PKHD1: variants seen among roughly 807,000 people sequenced by gnomAD.
The protein encoded by PKHD1 is PKHD1 ciliary IPT domain containing fibrocystin/polyductin, also known as fibrocystin.
Under a neutral mutation model 412.0 loss-of-function variants are expected in PKHD1, and 291 were observed. That is an observed-to-expected ratio of 0.71 (90% CI 0.64 to 0.78). The LOEUF is 0.78. Among genes scored for constraint, PKHD1 ranks in the 30% least tolerant of loss-of-function variants. The pLI is 0.00. For missense variants in PKHD1, 4,825 were observed against 4,950.7 expected, an observed-to-expected ratio of 0.97 and a Z score of 0.76; for synonymous variants, 1,777 against 1,821.5, an observed-to-expected ratio of 0.98 and a Z score of 0.62.
chr6:51,643,656 C>T (rs758331491), intron 63 of PKHD1, among the ~76,000 whole-genome samples: 7 of 152,032 alleles, frequency 4.6e-5, no homozygotes, highest in African/African-American at 2.4e-5. Context: ...TTTAGAGTCT[C>T]GTTTTGTTTT....
intron 60 of PKHD1, among the ~76,000 whole-genome samples, chr6:51,699,957 A>G (rs200557363): frequency 8.9e-5 from 1 of 11,270 alleles, no homozygotes. Context: ...GTGTGTGTGT[A>G]AAAACAGTAA....
At chr6:51,962,607 G>C (rs528850276) in intron 35 of PKHD1, among the ~76,000 whole-genome samples, 74 of 152,162 alleles carry the variant, frequency 4.9e-4, no homozygotes, top group Non-Finnish European at 8.2e-4. Context: ...AAGGCTCAAA[G>C]TGTTTAAATG....
intron 29 of PKHD1, among the ~76,000 whole-genome samples, chr6:52,031,129 C>T (rs2128159475): frequency 6.6e-6 from 1 of 152,292 alleles, no homozygotes; most frequent in Non-Finnish European, 1.5e-5. Context: ...CTTTCATCTG[C>T]TTTATTTCCT....
chr6:51,925,931 A>G (rs1159283505), intron 37 of PKHD1, among the ~76,000 whole-genome samples: 6 of 151,908 alleles, frequency 3.9e-5, no homozygotes, highest in Non-Finnish European at 8.8e-5. Context: ...ATATTTTTTA[A>G]AGCATATTAT....
At chr6:51,653,780 G>C (rs139797167) in intron 61 of PKHD1, among the ~76,000 whole-genome samples, 2 of 152,042 alleles carry the variant, frequency 1.3e-5, no homozygotes, top group African/African-American at 2.4e-5. Flanking sequence ...AGGGCACAAG[G>C]ACAATGAAAG....
chr6:51,800,774 A>G (rs1445892083), intron 52 of PKHD1, among the ~76,000 whole-genome samples: 1 of 152,200 alleles, frequency 6.6e-6, no homozygotes, highest in Non-Finnish European at 1.5e-5. Flanking sequence ...CAGGCCCCAT[A>G]ACTTAGGTGG....
At chr6:51,665,602 C>G (rs1773618863) in intron 60 of PKHD1, among the ~76,000 whole-genome samples, 1 of 152,052 alleles carries the variant, frequency 6.6e-6, no homozygotes. Context: ...GTTCTTTTAT[C>G]TTTAATGTTA....
At chr6:51,933,809 T>C (rs982007886) in intron 37 of PKHD1, among the ~76,000 whole-genome samples, 3 of 152,180 alleles carry the variant, frequency 2.0e-5, no homozygotes, top group African/African-American at 7.2e-5. Flanking sequence ...TAAGGCTAAG[T>C]CTGCTCTTGC....
intron 35 of PKHD1, among the ~76,000 whole-genome samples, chr6:52,001,416 A>T (rs1798376052): frequency 6.6e-6 from 1 of 151,794 alleles, no homozygotes; most frequent in African/African-American, 2.4e-5. Flanking sequence ...ACAGGGGAAA[A>T]GGCAAGAATT....
intron 46 of PKHD1, among the ~76,000 whole-genome samples, chr6:51,871,318 C>CAA (rs1420503937): frequency 6.4e-4 from 35 of 55,014 alleles, no homozygotes; most frequent in Non-Finnish European, 9.2e-4. Context: ...TGCATTACAT[C>CAA]TATCTAATGG....
intron 50 of PKHD1, among the ~76,000 whole-genome samples, chr6:51,843,133 G>C (rs1388960739): frequency 2.6e-5 from 4 of 152,242 alleles, no homozygotes; most frequent in African/African-American, 7.2e-5. Context: ...GATCGTTAGA[G>C]AGGCTCCATA....
intron 52 of PKHD1, among the ~76,000 whole-genome samples, chr6:51,801,079 T>C (rs1374674852): frequency 1.3e-5 from 2 of 152,200 alleles, no homozygotes; most frequent in African/African-American, 2.4e-5. Flanking sequence ...AAGAAAATAT[T>C]TTTAGCTCCA....
intron 13 of PKHD1, among the ~76,000 whole-genome samples, chr6:52,064,707 T>C (rs1352215751): frequency 3.3e-5 from 5 of 151,694 alleles, no homozygotes; most frequent in Non-Finnish European, 7.4e-5. Flanking sequence ...TTCTAGACCA[T>C]GGTCTCTTCT....
chr6:51,962,779 T>C (rs1415814124), intron 35 of PKHD1, among the ~76,000 whole-genome samples: 1 of 152,070 alleles, frequency 6.6e-6, no homozygotes, highest in East Asian at 1.9e-4. Flanking sequence ...AGGTATCACC[T>C]CCTTACCTGT....
intron 37 of PKHD1, among the ~76,000 whole-genome samples, 177 bp downstream of exon 37, chr6:51,933,933 A>G (rs1787049027): frequency 6.6e-6 from 1 of 152,246 alleles, no homozygotes; most frequent in Non-Finnish European, 1.5e-5. Flanking sequence ...TGGGAACGGT[A>G]GTGTACTCTG....
intron 60 of PKHD1, among the ~76,000 whole-genome samples, chr6:51,710,814 G>A (rs995155258): frequency 3.3e-5 from 5 of 152,174 alleles, no homozygotes; most frequent in Admixed American, 1.3e-4. Context: ...TGAGAAGACT[G>A]AGGCTAGGAG....
intron 60 of PKHD1, among the ~76,000 whole-genome samples, chr6:51,684,862 T>C (rs1198625448): frequency 6.6e-6 from 1 of 152,128 alleles, no homozygotes; most frequent in Non-Finnish European, 1.5e-5. Context: ...TTCATGTGCT[T>C]TCCATTGGAC....
intron 60 of PKHD1, among the ~76,000 whole-genome samples, chr6:51,703,272 T>C (rs2150716608): frequency 6.6e-6 from 1 of 152,162 alleles, no homozygotes; most frequent in East Asian, 1.9e-4. Flanking sequence ...ATGGTTCTGA[T>C]CTGTTTTCAT....
At chr6:51,894,827 G>A (rs1467227507) in intron 43 of PKHD1, among the ~76,000 whole-genome samples, 1 of 152,184 alleles carries the variant, frequency 6.6e-6, no homozygotes, top group African/African-American at 2.4e-5. Context: ...CCTTGGTACA[G>A]CTCCATGACT....
Sources: gnomAD v4.1 joint callset for allele counts (sites outside exome capture counted in the v4.1 genomes callset) on GRCh38, gnomAD v4.1.1 for gene constraint, MANE v1.5 for transcripts, NCBI Gene and HGNC (gene_info 2026-07-23, HGNC 2026-07-21) for gene names.